Variants in SLC24A2 observed in about 807,000 individuals in gnomAD.
The protein encoded by SLC24A2 is sodium/potassium/calcium exchanger 2.
In SLC24A2, 36 loss-of-function variants were observed where a neutral mutation model predicts 62.0. The observed-to-expected ratio is 0.58, with a 90% CI of 0.44 to 0.77. The LOEUF is 0.77. SLC24A2 is among the 30% of genes least tolerant of loss of function. The pLI is 0.00. For synonymous variants in SLC24A2, 358 were observed against 294.0 expected, an observed-to-expected ratio of 1.22 and a Z score of -2.23; for missense variants, 846 against 817.9, an observed-to-expected ratio of 1.03 and a Z score of -0.42.
the SLC24A2 span, among the ~76,000 whole-genome samples, chr9:20,197,027 C>T: frequency 6.6e-6 from 1 of 152,188 alleles, no homozygotes; most frequent in African/African-American, 2.4e-5. Flanking sequence ...ATAATTTACA[C>T]AGCCCTTCTT....
At chr9:19,580,695 G>A (rs916087189) in intron 5 of SLC24A2, among the ~76,000 whole-genome samples, 1 of 152,254 alleles carries the variant, frequency 6.6e-6, no homozygotes, top group African/African-American at 2.4e-5. Context: ...ATGTGATTGA[G>A]AGGTAGGTAG....
the SLC24A2 span, among the ~76,000 whole-genome samples, chr9:19,906,803 AT>A: frequency 6.6e-6 from 1 of 152,244 alleles, no homozygotes; most frequent in African/African-American, 2.4e-5. Context: ...GAATAGACCA[AT>A]AACAGGCTCT....
At chr9:20,122,278 C>T in the SLC24A2 span, among the ~76,000 whole-genome samples, 1 of 152,192 alleles carries the variant, frequency 6.6e-6, no homozygotes, top group East Asian at 1.9e-4. Context: ...GACCAGAGTG[C>T]TCCCTATACA....
chr9:19,788,571 G>A, intron 1 of SLC24A2: 1 of 985,462 alleles, frequency 1.0e-6, no homozygotes, highest in Non-Finnish European at 1.2e-6. Flanking sequence ...TGAGGCGCTT[G>A]GCCCGCATCC....
At chr9:19,974,089 T>C in the SLC24A2 span, among the ~76,000 whole-genome samples, 1 of 152,134 alleles carries the variant, frequency 6.6e-6, no homozygotes, top group Non-Finnish European at 1.5e-5. Flanking sequence ...TAATATATGG[T>C]TTCCGGTATA....
chr9:19,718,637 G>A (rs556799851), intron 2 of SLC24A2, among the ~76,000 whole-genome samples: 125 of 152,060 alleles, frequency 8.2e-4, no homozygotes, highest in African/African-American at 2.8e-3. Flanking sequence ...AGCATCACAC[G>A]TTACTTTGAC....
the SLC24A2 span, among the ~76,000 whole-genome samples, chr9:19,818,366 G>T: frequency 6.6e-6 from 1 of 152,196 alleles, no homozygotes; most frequent in African/African-American, 2.4e-5. Context: ...TCTGCTCTTT[G>T]ATCTGATGAA....
chr9:20,125,917 T>G, the SLC24A2 span, among the ~76,000 whole-genome samples: 434 of 152,254 alleles, frequency 2.9e-3, 1 homozygote, highest in African/African-American at 1.0e-2. Context: ...ACAGAATTGC[T>G]CTCCACACCA....
At position 19,550,256 on chromosome 9, in the gene SLC24A2, C is replaced by T. The variant is rs1276458113; in HGVS notation, c.1360G>A (p.Glu454Lys). 1.2e-6 allele frequency: 2 copies of T among 1,614,094 alleles called. No homozygotes were observed. Among genetic ancestry groups the T allele is most frequent in the South Asian group, 1.1e-5 (1 of 91,076 alleles). Residue 454 changes from glutamate to lysine, a missense_variant, in exon 8 of 11, where the codon GAG becomes AAG. Glu to Lys is a moderately conservative substitution (Grantham distance 56, BLOSUM62 1). Transcript: ENST00000341998. The part of the protein sequence containing the change: ...EGAEAQTADE[E>K]EDQPLSLAWP... The stretch of plus-strand genomic sequence containing the variant: ...GCAAGGCTGAGAGGCTGGTCCTCCT[C>T]CTCATCAGCGGTCTGTGGTAGAAAA...
the SLC24A2 span, among the ~76,000 whole-genome samples, chr9:20,060,798 A>G: frequency 8.2e-4 from 125 of 152,104 alleles, 1 homozygote; most frequent in South Asian, 9.5e-3. Flanking sequence ...CTTAGGGAAC[A>G]CACACACACA....
intron 2 of SLC24A2, among the ~76,000 whole-genome samples, chr9:19,675,131 G>A (rs888182625): frequency 5.3e-5 from 8 of 152,122 alleles, no homozygotes; most frequent in Admixed American, 2.6e-4. Flanking sequence ...TTTCTCTTCT[G>A]GATCTAGCCA....
chr9:19,703,390 G>C (rs978282980), intron 2 of SLC24A2, among the ~76,000 whole-genome samples: 1 of 152,162 alleles, frequency 6.6e-6, no homozygotes. Flanking sequence ...CTTGGAGTGA[G>C]AGGGGTTGCA....
chr9:19,580,680 AAT>A (rs1341092130), intron 5 of SLC24A2, among the ~76,000 whole-genome samples: 1 of 152,178 alleles, frequency 6.6e-6, no homozygotes, highest in East Asian at 1.9e-4. Context: ...ATGGAGGTTA[AAT>A]GGATGTGATT....
chr9:19,561,793 CT>C (rs34696158), intron 7 of SLC24A2, among the ~76,000 whole-genome samples: 112,550 of 151,932 alleles, frequency 0.74, 43,180 homozygotes, highest in East Asian at 1. Context: ...AGTATACTCC[CT>C]TTATAATACC....
chr9:20,298,473 C>A, the SLC24A2 span, among the ~76,000 whole-genome samples: 2 of 152,196 alleles, frequency 1.3e-5, no homozygotes, highest in Non-Finnish European at 2.9e-5. Flanking sequence ...AGGTGATCGG[C>A]CTGCCTCGGC....
chr9:20,219,532 T>C, the SLC24A2 span, among the ~76,000 whole-genome samples: 1 of 152,188 alleles, frequency 6.6e-6, no homozygotes. Flanking sequence ...GCCAAGTTTC[T>C]CCTAACTGGC....
chr9:19,854,174 A>G, the SLC24A2 span, among the ~76,000 whole-genome samples: 1 of 151,878 alleles, frequency 6.6e-6, no homozygotes, highest in African/African-American at 2.4e-5. Context: ...TATTGTGTTG[A>G]TTTGATTCTT....
chr9:19,608,702 C>G (rs995078528), intron 4 of SLC24A2, among the ~76,000 whole-genome samples: 8 of 151,852 alleles, frequency 5.3e-5, no homozygotes, highest in Non-Finnish European at 8.8e-5. Flanking sequence ...TACAAAAGTT[C>G]CACTTTCTTG....
At chr9:19,797,265 G>C in the SLC24A2 span, among the ~76,000 whole-genome samples, 1 of 152,158 alleles carries the variant, frequency 6.6e-6, no homozygotes, top group African/African-American at 2.4e-5. Context: ...GCCTACTGTA[G>C]TAGGTGTTCG....
Sources: allele counts gnomAD v4.1 joint callset (sites outside exome capture counted in the v4.1 genomes callset), GRCh38; gene constraint gnomAD v4.1.1; transcripts MANE v1.5; gene names NCBI Gene and HGNC (gene_info 2026-07-23, HGNC 2026-07-21).